AKAP13: variants seen among roughly 807,000 people sequenced by gnomAD.
AKAP13 encodes A-kinase anchor protein 13.
A neutral mutation model predicts 264.5 loss-of-function variants in AKAP13; 80 were observed. The observed-to-expected ratio is 0.30, with a 90% CI of 0.25 to 0.36. AKAP13 has a LOEUF of 0.36. Ranked by LOEUF, AKAP13 falls within the 10% of genes least tolerant of loss-of-function variation. The probability of loss-of-function intolerance (pLI) is 1.00; values close to 1 mark genes in which losing one functional copy is unlikely to be tolerated. For missense variants in AKAP13, 3,712 were observed against 3,435.2 expected (o/e 1.08, Z -2.01); for synonymous variants, 1,380 against 1,250.2 (o/e 1.10, Z -2.19).
At chr15:85,740,793 G>C (rs1197759057) in intron 34 of AKAP13, among the ~76,000 whole-genome samples, 2 of 47,964 alleles carry the variant, frequency 4.2e-5, no homozygotes. Context: ...CCCCACCCCA[G>C]GTAATACCAC....
intron 4 of AKAP13, among the ~76,000 whole-genome samples, chr15:85,541,929 A>C (rs1263052707): frequency 6.6e-6 from 1 of 152,218 alleles, no homozygotes; most frequent in Non-Finnish European, 1.5e-5. Flanking sequence ...GTGTGGCTGT[A>C]GTATTGGGAT....
At chr15:85,442,265 C>T (rs1182308507) in intron 1 of AKAP13, among the ~76,000 whole-genome samples, 1 of 150,072 alleles carries the variant, frequency 6.7e-6, no homozygotes, top group Non-Finnish European at 1.5e-5. Context: ...CAAAAATTAG[C>T]TGGGCATGGT....
intron 3 of AKAP13, among the ~76,000 whole-genome samples, chr15:85,529,305 C>G (rs1046445586): frequency 6.6e-6 from 1 of 152,144 alleles, no homozygotes; most frequent in African/African-American, 2.4e-5. Flanking sequence ...CCTGTAGTCC[C>G]AGCTACTCAG....
At chr15:85,600,309 G>T (rs1252252403) in intron 8 of AKAP13, among the ~76,000 whole-genome samples, 1 of 128,340 alleles carries the variant, frequency 7.8e-6, no homozygotes, top group African/African-American at 3.0e-5. Context: ...GATGGGAATA[G>T]CTTAGATTTA....
chr15:85,662,367 T>C (rs774551110), intron 12 of AKAP13: 1 of 1,613,866 alleles, frequency 6.2e-7, no homozygotes, highest in East Asian at 2.2e-5. Context: ...TTTCTGTTTC[T>C]GTCTTTGATG....
intron 8 of AKAP13, among the ~76,000 whole-genome samples, chr15:85,623,360 C>T (rs908523996): frequency 6.6e-6 from 1 of 152,174 alleles, no homozygotes; most frequent in African/African-American, 2.4e-5. Flanking sequence ...GCAGTAATTA[C>T]AGAGTTTAAA....
At chr15:85,532,184 AAATTACACAGC>A (rs1208330296) in intron 3 of AKAP13, among the ~76,000 whole-genome samples, 1 of 152,224 alleles carries the variant, frequency 6.6e-6, no homozygotes, top group Non-Finnish European at 1.5e-5. Context: ...TACCACCCTA[AAATTACACAGC>A]AGTGAGAGAT....
intron 10 of AKAP13, among the ~76,000 whole-genome samples, chr15:85,650,978 T>C (rs72764205): frequency 0.095 from 14,422 of 151,976 alleles, 831 homozygotes; most frequent in East Asian, 0.21. Context: ...GTAGAGTGCC[T>C]TGTGTATCAT....
chr15:85,535,799 CTTTTTTTTTT>C (rs60026361), intron 4 of AKAP13: 1 of 138,300 alleles, frequency 7.2e-6, no homozygotes, highest in Non-Finnish European at 1.6e-5. Flanking sequence ...CTTTCTCTCT[CTTTTTTTTTT>C]TTTTTTTTGA....
chr15:85,563,863 T>TA (rs1596541698), intron 5 of AKAP13, among the ~76,000 whole-genome samples: 3 of 152,254 alleles, frequency 2.0e-5, no homozygotes, highest in South Asian at 2.1e-4. Context: ...AAAGGACTGT[T>TA]ACATTTTTTA....
intron 1 of AKAP13, among the ~76,000 whole-genome samples, chr15:85,437,032 C>T (rs1296807939): frequency 6.8e-6 from 1 of 147,228 alleles, no homozygotes; most frequent in Non-Finnish European, 1.5e-5. Flanking sequence ...AATCCAGGAG[C>T]TGGTTTTTTG....
chr15:85,577,655 C>T (rs1344669108), intron 6 of AKAP13: 3 of 353,716 alleles, frequency 8.5e-6, no homozygotes, highest in African/African-American at 6.7e-5. Context: ...TTTAAAGTTG[C>T]AAAATCCATT....
chr15:85,399,523 T>TAAAAAA (rs1367253621), intron 1 of AKAP13, among the ~76,000 whole-genome samples: 7 of 78,028 alleles, frequency 9.0e-5, no homozygotes, highest in East Asian at 2.7e-4. Flanking sequence ...AAAAAAAAAA[T>TAAAAAA]AAAAAAATAA....
At chr15:85,722,924 T>C (rs2087384408) in intron 25 of AKAP13, 148 bp from the exon 26 acceptor site, 3 of 1,016,236 alleles carry the variant, frequency 3.0e-6, no homozygotes, top group Non-Finnish European at 4.2e-6. Flanking sequence ...GCAAGAAGGA[T>C]AGGCACATGA....
chr15:85,744,329 T>G (rs1402675191), intron 36 of AKAP13: 8 of 364,204 alleles, frequency 2.2e-5, no homozygotes, highest in Non-Finnish European at 4.0e-5. Flanking sequence ...CCTGAATCCT[T>G]CTCTTTAGGA....
rs919194124 is a variant in AKAP13, at chr15:85,687,598, C to A, written c.5289+2725C>A. ...AACTCAAAAAATTACAAATTTGTAA[C>A]CCTGAATTGTAGTCCATTTCCCATT... On this transcript the variant is annotated intron_variant, in intron 16 of 36. Coordinates refer to ENST00000394518, the MANE Select transcript of AKAP13 (RefSeq NM_007200.5). Among the ~76,000 whole-genome samples, 7 of 152,242 alleles carry A rather than the reference C, an allele frequency of 4.6e-5. 1 individual carries two copies. The highest frequency in any genetic ancestry group is 1.9e-4 in the East Asian group (1 of 5,182).
intron 2 of AKAP13, chr15:85,520,657 C>T (rs1052932192): frequency 1.9e-6 from 1 of 518,616 alleles, no homozygotes; most frequent in African/African-American, 1.9e-5. Flanking sequence ...GTCAGATGGT[C>T]AGGAAATACA....
chr15:85,570,542 CT>C (rs1217458916), intron 5 of AKAP13, among the ~76,000 whole-genome samples: 1 of 152,134 alleles, frequency 6.6e-6, no homozygotes, highest in Non-Finnish European at 1.5e-5. Flanking sequence ...GTGAGACTCC[CT>C]GAAGGAAAGA....
chr15:85,668,902 C>T (rs377426057), intron 13 of AKAP13, among the ~76,000 whole-genome samples: 45 of 149,338 alleles, frequency 3.0e-4, no homozygotes, highest in South Asian at 6.3e-4. Context: ...GAGATCATGC[C>T]ACTGCACTCC....
Sources: allele counts gnomAD v4.1 joint callset (sites outside exome capture counted in the v4.1 genomes callset), GRCh38; gene constraint gnomAD v4.1.1; transcripts MANE v1.5; gene names NCBI Gene and HGNC (gene_info 2026-07-23, HGNC 2026-07-21).